Variants in MYRF observed in about 807,000 individuals in gnomAD.
The protein encoded by MYRF is myelin gene regulatory factor.
Under a neutral mutation model 126.3 loss-of-function variants are expected in MYRF, and 16 were observed. That is an observed-to-expected ratio of 0.13 (90% CI 0.09 to 0.19). The LOEUF (loss-of-function observed/expected upper bound fraction) is 0.19, where lower values mean the gene tolerates loss of function less well. Ranked by LOEUF, MYRF falls within the 10% of genes least tolerant of loss-of-function variation. The pLI is 1.00. For missense variants in MYRF, 1,104 were observed against 1,547.0 expected (o/e 0.71, Z 4.80); for synonymous variants, 608 against 635.3 (o/e 0.96, Z 0.65).
Position 61,770,405 on chromosome 11 carries a change from T to G in MYRF, c.620T>G (p.Met207Arg), listed in dbSNP as rs760787941. The part of the protein sequence containing the change: ...HYPVLQRDLY[M>R]KAEPPIPHYA... ...CCTGTCCTGCAGCGGGATCTGTACA[T>G]GAAGGCCGAGCCCCCGATCCCCCAC... The change falls in exon 5 of 27, where the codon ATG (methionine) becomes AGG (arginine). Residue 207 changes from methionine (M) to arginine (R), a missense_variant. Physicochemically the swap from Met to Arg is moderately conservative, Grantham distance 91 (BLOSUM62 -1). This residue lies in a region of MYRF where 368 missense variants were observed against 403.9 expected (regional missense o/e 0.91). Transcript: ENST00000278836. 1 of 1,302,084 alleles carries G rather than the reference T, an allele frequency of 7.7e-7. No homozygotes were observed. Among genetic ancestry groups the G allele is most frequent in the Admixed American group, 2.3e-5 (1 of 43,232 alleles). 80.7% of individuals were successfully genotyped at this position (1,302,084 alleles called of 1,614,324 possible). A position where few individuals can be genotyped will look rare whatever the true frequency, so the allele number is the denominator to read the frequency against.
In MYRF at chr11:61,784,158, G is replaced by A. The variant is rs1009255463; in HGVS notation, c.3195-122G>A. The A allele has an allele frequency of 6.7e-6, 7 of 1,044,856 alleles. No homozygotes were observed. The African/African-American group carries it at 9.5e-5, about 14-fold the overall frequency. 64.7% of individuals were successfully genotyped at this position (1,044,856 alleles called of 1,614,324 possible). ...GGGAAAGGTTTTGTTCGAGGGCCCTGGTTATTATGCGGTGTTTCAGGCTGG... is the reference window on the plus strand; with the variant it reads ...GGGAAAGGTTTTGTTCGAGGGCCCTAGTTATTATGCGGTGTTTCAGGCTGG... On this transcript the variant is annotated intron_variant, in intron 24 of 26. Coordinates refer to ENST00000278836, the MANE Select transcript of MYRF (RefSeq NM_001127392.3).
Position 61,778,911 on chromosome 11 carries a change from T to C in MYRF, c.2014-352T>C, listed in dbSNP as rs1436719460. 1 of 572,438 alleles carries C rather than the reference T, an allele frequency of 1.7e-6. No individual in the cohort carries two copies. Among genetic ancestry groups the C allele is most frequent in the South Asian group, 1.5e-5 (1 of 65,614 alleles). The allele number at this position is 572,438 out of a possible 1,614,324, so 35.5% of individuals were successfully genotyped here. Reference sequence around the variant, plus strand: ...ATAGGTCTCCACCCCAGCTGAATAGTGAAGTGCTGACATCTGAGACACCAG... The same window carrying C: ...ATAGGTCTCCACCCCAGCTGAATAGCGAAGTGCTGACATCTGAGACACCAG... On this transcript the variant is annotated intron_variant, in intron 14 of 26. Transcript: ENST00000278836. The surrounding 1 kb of genome is among the most constrained non-coding windows in gnomAD (Gnocchi z 4.6).
chr11:61,770,487 C>T lies in MYRF; in HGVS notation c.702C>T (p.Ser234=), dbSNP rs748879930. ...VPTDLHHTQQ[S]QMLHQLLQQH... is the part of the protein sequence containing the mutation. ...CTGATCTTCACCACACCCAGCAGTC[C>T]CAGATGCTGCACCAGCTCCTGCAGC... is the stretch of plus-strand genomic sequence containing the variant. Residue 234 remains serine, a synonymous_variant, in exon 5 of 27, where the codon TCC becomes TCT. Coordinates refer to ENST00000278836, the MANE Select transcript of MYRF (RefSeq NM_001127392.3). 1.3e-6 allele frequency: 2 copies of T among 1,565,106 alleles called. No homozygotes were observed. The highest frequency in any genetic ancestry group is 1.7e-6 in the Non-Finnish European group (2 of 1,154,722).
chr11:61,775,880 G>A (rs568024421), intron 8 of MYRF, among the ~76,000 whole-genome samples, 176 bp from the exon 9 acceptor site: 1 of 151,878 alleles, frequency 6.6e-6, no homozygotes, highest in South Asian at 2.1e-4. Context: ...AGTAGGGTGT[G>A]GGGGGGTGTG....
Position 61,755,564 on chromosome 11 carries a change from TGG to T in MYRF, c.46+2777_46+2778del, listed in dbSNP as rs1452484166. On this transcript the variant is annotated intron_variant, in intron 1 of 26. Coordinates refer to ENST00000278836, the MANE Select transcript of MYRF (RefSeq NM_001127392.3). Reference sequence around the variant, plus strand: ...CTGGTGCAGGCTGGACCACTGAGAGTGGGGTGACCGTCTGTGCCTGGCAGGGA... The same window carrying T: ...CTGGTGCAGGCTGGACCACTGAGAGTGGTGACCGTCTGTGCCTGGCAGGGA... 5 of 1,256,164 alleles carry T rather than the reference TGG, an allele frequency of 4.0e-6. No homozygotes were observed. The Admixed American group carries it at 9.8e-5, about 25-fold the overall frequency. The allele number at this position is 1,256,164 out of a possible 1,614,324, so 77.8% of individuals were successfully genotyped here.
rs1371685909 is a variant in MYRF at position 61,784,349 on chromosome 11, C to G, written c.3264C>G (p.Ser1088Arg). The change falls in exon 25 of 27, where the codon AGC (serine) becomes AGG (arginine). Residue 1088 changes from serine to arginine, a missense_variant. Ser to Arg is a moderately radical substitution (Grantham distance 110, BLOSUM62 -1). Coordinates refer to ENST00000278836, the MANE Select transcript of MYRF (RefSeq NM_001127392.3). ...RSKEEPCEEG[S>R]LPQSLHTHQD... ...AGGAGGAACCATGTGAGGAGGGGAG[C>G]CTTCCACAGAGTCTCCACACCCACC... is the stretch of plus-strand genomic sequence containing the variant. 2 of 1,613,794 alleles carry G rather than the reference C, an allele frequency of 1.2e-6. No homozygotes were observed. Among genetic ancestry groups the G allele is most frequent in the African/African-American group, 1.3e-5 (1 of 74,898 alleles).
chr11:61,756,677 A>G (rs1424207291), intron 1 of MYRF, among the ~76,000 whole-genome samples: 17 of 138,800 alleles, frequency 1.2e-4, no homozygotes, highest in Admixed American at 2.9e-4. Flanking sequence ...GGGTATGTGA[A>G]CAGAGGCGGC....
At chr11:61,770,138 C>G in intron 4 of MYRF, 108 bp from the exon 5 acceptor site, 1 of 1,170,494 alleles carries the variant, frequency 8.5e-7, no homozygotes, top group Non-Finnish European at 1.2e-6. Context: ...AGCCCCCGGG[C>G]TTGGCTCAGG....
At position 61,757,454 on chromosome 11, in the gene MYRF, C is replaced by T. The variant is rs772989481; in HGVS notation, c.46+4664C>T. On this transcript the variant is annotated intron_variant, in intron 1 of 26. Transcript: ENST00000278836. This position sits in a 1 kb window ranked among gnomAD's most constrained non-coding sequence, Gnocchi z 4.7. ...AAGATTGTGCCTGGCCTGGTGAACA[C>T]TCCATTGGTCCATGGCAGGTGTTCT... is the stretch of plus-strand genomic sequence containing the variant. The T allele has an allele frequency of 2.2e-6, 1 of 455,506 alleles. No homozygotes were observed. The highest frequency in any genetic ancestry group is 1.6e-5 in the South Asian group (1 of 64,424). 28.2% of individuals were successfully genotyped at this position (455,506 alleles called of 1,614,324 possible). A position where few individuals can be genotyped will look rare whatever the true frequency, so the allele number is the denominator to read the frequency against.
At position 61,776,950 on chromosome 11, in the gene MYRF, G is replaced by T; in HGVS notation, c.1590+73G>T. The stretch of plus-strand genomic sequence containing the variant: ...GGAGAAACAGCAAGCAGAAGTACCC[G>T]GGTACTGAGAGTCAGGAGTGGGCAT... On this transcript the variant is annotated intron_variant, in intron 11 of 26. Coordinates refer to ENST00000278836, the MANE Select transcript of MYRF (RefSeq NM_001127392.3). This position sits in a 1 kb window ranked among gnomAD's most constrained non-coding sequence, Gnocchi z 4.3. 1 of 1,304,074 alleles carries T rather than the reference G, an allele frequency of 7.7e-7. No homozygotes were observed. Among genetic ancestry groups the T allele is most frequent in the South Asian group, 1.4e-5 (1 of 73,080 alleles). 80.8% of individuals were successfully genotyped at this position (1,304,074 alleles called of 1,614,324 possible). A position where few individuals can be genotyped will look rare whatever the true frequency, so the allele number is the denominator to read the frequency against.
At chr11:61,773,132 A>G (rs2135804048) in intron 7 of MYRF, among the ~76,000 whole-genome samples, 1 of 151,838 alleles carries the variant, frequency 6.6e-6, no homozygotes, top group African/African-American at 2.4e-5. Flanking sequence ...CAGCCTCCCA[A>G]GTAGCTGGGA....
At position 61,766,325 on chromosome 11, in the gene MYRF, A is replaced by T. The variant is rs4963418; in HGVS notation, c.398+104A>T. The T allele has an allele frequency of 0.4, 512,498 of 1,293,288 alleles. 109,431 individuals are homozygous for T. The highest frequency in any genetic ancestry group is 0.46 in the Middle Eastern group (1,882 of 4,054). The allele number at this position is 1,293,288 out of a possible 1,614,324, so 80.1% of individuals were successfully genotyped here. A position where few individuals can be genotyped will look rare whatever the true frequency, so the allele number is the denominator to read the frequency against. On this transcript the variant is annotated intron_variant, in intron 3 of 26. Transcript: ENST00000278836. ...GTGCTAGACACTGGCCTGGCATGGG[A>T]TGGGCTGGGTGACTGGCTGTGCGTG...
chr11:61,760,576 C>G (rs1009774728), intron 1 of MYRF, among the ~76,000 whole-genome samples: 8 of 152,164 alleles, frequency 5.3e-5, no homozygotes, highest in Admixed American at 5.2e-4. Context: ...CTCTGGAGCA[C>G]GTGTGCAGCA....
chr11:61,780,198 G>A (rs760533153), intron 17 of MYRF, 24 bp from the exon 18 acceptor site: 71 of 1,613,146 alleles, frequency 4.4e-5, no homozygotes, highest in Non-Finnish European at 4.7e-5. Context: ...CAGCTCTAAC[G>A]GTCACCCTTT....
intron 1 of MYRF, among the ~76,000 whole-genome samples, chr11:61,755,027 G>A (rs1334148033): frequency 2.0e-5 from 3 of 152,204 alleles, no homozygotes; most frequent in Non-Finnish European, 2.9e-5. Context: ...TGTCACACTC[G>A]GGGCTGGGGC....
chr11:61,775,318 C>G (rs1414092572), intron 8 of MYRF, among the ~76,000 whole-genome samples: 1 of 152,118 alleles, frequency 6.6e-6, no homozygotes, highest in African/African-American at 2.4e-5. Context: ...ACTTGTGGTA[C>G]CATCGCAGCC....
chr11:61,777,560 C>A lies in MYRF; in HGVS notation c.1791+96C>A. 1 of 1,441,948 alleles carries A rather than the reference C, an allele frequency of 6.9e-7. No individual in the cohort carries two copies. The highest frequency in any genetic ancestry group is 2.1e-5 in the Admixed American group (1 of 48,240). The allele number at this position is 1,441,948 out of a possible 1,614,324, so 89.3% of individuals were successfully genotyped here. ...GAGGGGGCGTGACTACGCGGAAAGG[C>A]GGAGCTGCGGGGGAAGGAAGGGAGG... On this transcript the variant is annotated intron_variant, in intron 12 of 26. Coordinates refer to ENST00000278836, the MANE Select transcript of MYRF (RefSeq NM_001127392.3). This position sits in a 1 kb window ranked among gnomAD's most constrained non-coding sequence, Gnocchi z 8.8.
chr11:61,755,649 G>T (rs770211856), intron 1 of MYRF: 4 of 725,558 alleles, frequency 5.5e-6, no homozygotes, highest in Admixed American at 4.0e-5. Context: ...AAGACAGGAG[G>T]GGGTGGCAGA....
chr11:61,765,742 C>A (rs189577262), intron 2 of MYRF, 30 bp downstream of exon 2: 7 of 1,588,926 alleles, frequency 4.4e-6, no homozygotes, highest in Non-Finnish European at 6.0e-6. Flanking sequence ...GGCCTGCACC[C>A]GCCCAGCCCC....
Sources: gnomAD v4.1 joint callset for allele counts (sites outside exome capture counted in the v4.1 genomes callset) on GRCh38, gnomAD v4.1.1 for gene constraint, gnomAD v4.1.1 regional missense constraint, Gnocchi (gnomAD v3.1) non-coding constraint, MANE v1.5 for transcripts, NCBI Gene and HGNC (gene_info 2026-07-23, HGNC 2026-07-21) for gene names.